Variants in CDYL observed in about 807,000 individuals in gnomAD.
The protein encoded by CDYL is chromodomain Y like.
A neutral mutation model predicts 47.3 loss-of-function variants in CDYL; 8 were observed. The ratio of observed to expected loss-of-function variants is 0.17; its 90% CI spans 0.10 to 0.31. The LOEUF (loss-of-function observed/expected upper bound fraction) is 0.31. Ranked by LOEUF, CDYL falls within the 10% of genes least tolerant of loss-of-function variation. CDYL has a pLI of 1.00. For missense variants in CDYL, 471 were observed against 701.4 expected (o/e 0.67, Z 3.71); for synonymous variants, 266 against 265.0 (o/e 1.00, Z -0.04).
At chr6:4,926,508 A>T (rs1757878809) in intron 2 of CDYL, among the ~76,000 whole-genome samples, 1 of 152,204 alleles carries the variant, frequency 6.6e-6, no homozygotes, top group African/African-American at 2.4e-5. Flanking sequence ...AAAACTTGCT[A>T]ACTCTTGATT....
At chr6:4,707,933 T>C (rs1024691651) in intron 1 of CDYL, among the ~76,000 whole-genome samples, 1 of 152,196 alleles carries the variant, frequency 6.6e-6, no homozygotes, top group African/African-American at 2.4e-5. Flanking sequence ...TGTTATTTAA[T>C]AGTGTGCTAT....
chr6:4,902,599 G>A (rs1581251089), intron 2 of CDYL, among the ~76,000 whole-genome samples: 1 of 152,106 alleles, frequency 6.6e-6, no homozygotes, highest in East Asian at 1.9e-4. Context: ...TTGAATAGGT[G>A]TTCTTCCTCC....
intron 2 of CDYL, among the ~76,000 whole-genome samples, chr6:4,904,788 C>T (rs544331447): frequency 9.0e-4 from 137 of 152,272 alleles, no homozygotes; most frequent in African/African-American, 3.0e-3. Flanking sequence ...AAGCTGTAAA[C>T]GGCTTTGGGC....
intron 3 of CDYL, among the ~76,000 whole-genome samples, chr6:4,736,211 A>G (rs1006696802): frequency 6.6e-6 from 1 of 152,224 alleles, no homozygotes; most frequent in African/African-American, 2.4e-5. Context: ...AAAACATAGT[A>G]TAACAAGGTC....
At chr6:4,910,192 G>A (rs1757369508) in intron 2 of CDYL, among the ~76,000 whole-genome samples, 1 of 152,158 alleles carries the variant, frequency 6.6e-6, no homozygotes, top group South Asian at 2.1e-4. Flanking sequence ...CTTTACCTAA[G>A]CTAAGCTGCG....
rs1761504035 is a variant in CDYL at position 4,872,463 on chromosome 6, C to A, written c.25-19250C>A. 2.0e-5 allele frequency among the ~76,000 whole-genome samples: 3 copies of A among 151,982 alleles called. No individual in the cohort carries two copies. The South Asian group carries it at 6.2e-4, about 32-fold the overall frequency. The stretch of plus-strand genomic sequence containing the variant: ...GTGGTGCAGTCTCGGCTCACTGCAA[C>A]CTCCGCCTCCCAGGTTCAAGGATTC... On this transcript the variant is annotated intron_variant, in intron 1 of 6. Transcript: ENST00000397588.
In CDYL at chr6:4,796,089, A is replaced by C. The variant is rs1338801383; in HGVS notation, c.24+19282A>C. On this transcript the variant is annotated intron_variant, in intron 1 of 6. Transcript: ENST00000397588. ...ATTCTCCTGCCTCAGCCTTCTGTGT[A>C]GCTGGGACTACAGGCACGCACCACC... Among the ~76,000 whole-genome samples, 3 of 152,044 alleles carry C rather than the reference A, an allele frequency of 2.0e-5. No individual in the cohort carries two copies. In the East Asian group the frequency reaches 5.8e-4, roughly 29 times the overall value.
chr6:4,851,057 A>G (rs116157899), intron 1 of CDYL, among the ~76,000 whole-genome samples: 3,504 of 152,240 alleles, frequency 0.023, 135 homozygotes, highest in African/African-American at 0.079. Flanking sequence ...ACTGCCCTAA[A>G]GATTTGGGCG....
chr6:4,805,202 T>C (rs1759335841), intron 1 of CDYL, among the ~76,000 whole-genome samples: 1 of 152,234 alleles, frequency 6.6e-6, no homozygotes, highest in Non-Finnish European at 1.5e-5. Context: ...AAGTTTTGCT[T>C]TACTTTTAGA....
At chr6:4,788,480 C>CAAA (rs1220969716) in intron 1 of CDYL, among the ~76,000 whole-genome samples, 1,106 of 60,804 alleles carry the variant, frequency 0.018, 74 homozygotes, top group African/African-American at 0.053. Context: ...GAGACTCTGT[C>CAAA]AAAAAAAAAA....
At chr6:4,925,481 G>T (rs1757843424) in intron 2 of CDYL, among the ~76,000 whole-genome samples, 1 of 134,564 alleles carries the variant, frequency 7.4e-6, no homozygotes, top group African/African-American at 2.8e-5. Context: ...GCACGATCTC[G>T]GCTCACTGCA....
Position 4,842,223 on chromosome 6 carries a change from A to G in CDYL, c.25-49490A>G, listed in dbSNP as rs895972468. Among the ~76,000 whole-genome samples the G allele has an allele frequency of 9.6e-5, 14 of 146,062 alleles. No individual in the cohort carries two copies. The East Asian group carries it at 1.2e-3, about 12-fold the overall frequency. On this transcript the variant is annotated intron_variant, in intron 1 of 6. Coordinates refer to ENST00000397588, the MANE Select transcript of CDYL (RefSeq NM_004824.4). ...TATAAATAATAATATATAATTATATATAAATAATACTAATATTAATATAAA... is the reference window on the plus strand; with the variant it reads ...TATAAATAATAATATATAATTATATGTAAATAATACTAATATTAATATAAA...
chr6:4,792,502 G>A (rs1009644134), intron 1 of CDYL, among the ~76,000 whole-genome samples: 5 of 149,836 alleles, frequency 3.3e-5, no homozygotes, highest in Non-Finnish European at 7.4e-5. Context: ...CATGATCTCC[G>A]CTCACGGTAA....
intron 2 of CDYL, among the ~76,000 whole-genome samples, chr6:4,910,393 C>T (rs1757375516): frequency 6.6e-6 from 1 of 152,172 alleles, no homozygotes; most frequent in Non-Finnish European, 1.5e-5. Context: ...TGAATGAGTA[C>T]TCTGCCTTTA....
chr6:4,896,467 G>A lies in CDYL; in HGVS notation c.691+4088G>A, dbSNP rs541549922. The stretch of plus-strand genomic sequence containing the variant: ...GGAGTGATTCCAGTAGAATGGGTGC[G>A]CATGGAAGACAAGGGTTGTTGTAAG... On this transcript the variant is annotated intron_variant, in intron 2 of 6. Coordinates refer to ENST00000397588, the MANE Select transcript of CDYL (RefSeq NM_004824.4). 7.2e-5 allele frequency among the ~76,000 whole-genome samples: 11 copies of A among 152,308 alleles called. No individual in the cohort carries two copies. In the East Asian group the frequency reaches 1.7e-3, roughly 24 times the overall value.
chr6:4,806,646 C>G (rs939098749), intron 1 of CDYL, among the ~76,000 whole-genome samples: 1 of 143,982 alleles, frequency 6.9e-6, no homozygotes, highest in Non-Finnish European at 1.5e-5. Context: ...GTTCCAGGAC[C>G]CAGCATTGCA....
At chr6:4,901,750 G>A (rs1314731356) in intron 2 of CDYL, among the ~76,000 whole-genome samples, 1 of 152,260 alleles carries the variant, frequency 6.6e-6, no homozygotes, top group East Asian at 1.9e-4. Context: ...TGTGTCAAGT[G>A]AGTGAAACTG....
At chr6:4,796,484 C>G (rs1759075555) in intron 1 of CDYL, among the ~76,000 whole-genome samples, 1 of 151,976 alleles carries the variant, frequency 6.6e-6, no homozygotes, top group African/African-American at 2.4e-5. Context: ...TCATTGTTTT[C>G]TGGCCCGATC....
At chr6:4,767,292 A>G (rs1212721648) in intron 3 of CDYL, among the ~76,000 whole-genome samples, 1 of 151,810 alleles carries the variant, frequency 6.6e-6, no homozygotes, top group Non-Finnish European at 1.5e-5. Context: ...ACTAGGATGG[A>G]GACTGGGCGC....
Sources: allele counts gnomAD v4.1 joint callset (sites outside exome capture counted in the v4.1 genomes callset), GRCh38; gene constraint gnomAD v4.1.1; transcripts MANE v1.5; gene names NCBI Gene and HGNC (gene_info 2026-07-23, HGNC 2026-07-21).